Variants in TRIM24 observed in about 807,000 individuals in gnomAD.
TRIM24 encodes transcription intermediary factor 1-alpha.
Under a neutral mutation model 123.9 loss-of-function variants are expected in TRIM24, and 29 were observed. The ratio of observed to expected loss-of-function variants is 0.23; its 90% CI spans 0.17 to 0.32. The LOEUF is 0.32. Ranked by LOEUF, TRIM24 falls within the 10% of genes least tolerant of loss-of-function variation. The probability of loss-of-function intolerance (pLI) is 1.00; values close to 1 mark genes in which losing one functional copy is unlikely to be tolerated. For missense variants in TRIM24, 932 were observed against 1,295.3 expected, an observed-to-expected ratio of 0.72 and a Z score of 4.31; for synonymous variants, 456 against 461.1, an observed-to-expected ratio of 0.99 and a Z score of 0.14.
chr7:138,558,639 C>T (rs750579960), intron 9 of TRIM24, among the ~76,000 whole-genome samples: 5 of 152,192 alleles, frequency 3.3e-5, no homozygotes, highest in East Asian at 1.9e-4. Flanking sequence ...CTCAAAAACT[C>T]GGAACTGTTG....
intron 6 of TRIM24, among the ~76,000 whole-genome samples, chr7:138,533,123 TGGGGTTTTCTAA>T (rs962880868): frequency 6.6e-6 from 1 of 152,176 alleles, no homozygotes; most frequent in African/African-American, 2.4e-5. Context: ...ACTGAGACAA[TGGGGTTTTCTAA>T]ATATACAATC....
intron 2 of TRIM24, among the ~76,000 whole-genome samples, chr7:138,507,721 G>C (rs1796181312): frequency 6.6e-6 from 1 of 152,012 alleles, no homozygotes; most frequent in South Asian, 2.1e-4. Flanking sequence ...GACCAGCCTG[G>C]GCAACATGGT....
intron 9 of TRIM24, among the ~76,000 whole-genome samples, chr7:138,563,283 T>C (rs1349488761): frequency 6.6e-6 from 1 of 152,180 alleles, no homozygotes; most frequent in Non-Finnish European, 1.5e-5. Flanking sequence ...CTGGTGGCAT[T>C]TTTGTTTCAT....
At chr7:138,545,292 T>C (rs1197424311) in intron 7 of TRIM24, among the ~76,000 whole-genome samples, 3 of 151,636 alleles carry the variant, frequency 2.0e-5, no homozygotes, top group African/African-American at 4.9e-5. Flanking sequence ...TTGGAGAGGG[T>C]TGGGGAACCG....
chr7:138,555,724 C>T (rs1797302860), intron 9 of TRIM24, among the ~76,000 whole-genome samples: 1 of 152,042 alleles, frequency 6.6e-6, no homozygotes, highest in African/African-American at 2.4e-5. Context: ...CCTTGTGATC[C>T]ACCCACCTCA....
intron 1 of TRIM24, among the ~76,000 whole-genome samples, chr7:138,479,967 C>T (rs6970145): frequency 0.43 from 64,917 of 151,410 alleles, 14,685 homozygotes; most frequent in Middle Eastern, 0.49. Flanking sequence ...TACAGACATG[C>T]GCCAACACCT....
rs901662647 is a variant in TRIM24 at position 138,541,059 on chromosome 7, G to A, written c.1143+2256G>A. On this transcript the variant is annotated intron_variant, in intron 7 of 18. Coordinates refer to ENST00000343526, the MANE Select transcript of TRIM24 (RefSeq NM_015905.3). ...TCCCTATGTTTTCCAGGCTGGTCTC[G>A]AAACTCCTGACCTCAAGTGATCCAC... is the stretch of plus-strand genomic sequence containing the variant. Among the ~76,000 whole-genome samples the A allele has an allele frequency of 2.6e-5, 4 of 151,954 alleles. No individual in the cohort carries two copies. The East Asian group carries it at 5.8e-4, about 22-fold the overall frequency.
chr7:138,522,364 A>G lies in TRIM24; in HGVS notation c.765-2877A>G, dbSNP rs577658327. On this transcript the variant is annotated intron_variant, in intron 4 of 18. Transcript: ENST00000343526. ...AAAAAAAAAAGATAAATAAGATTGA[A>G]TACCACAATTAACATAACGTCTTAT... Among the ~76,000 whole-genome samples the G allele has an allele frequency of 2.0e-5, 3 of 152,248 alleles. No homozygotes were observed. The East Asian group carries it at 5.8e-4, about 29-fold the overall frequency.
intron 7 of TRIM24, 141 bp from the exon 8 acceptor site, chr7:138,550,922 A>G (rs1355830224): frequency 1.0e-5 from 6 of 594,632 alleles, no homozygotes; most frequent in Non-Finnish European, 1.4e-5. Context: ...TTGGAAAGAA[A>G]ATTGTGTTGT....
At chr7:138,537,267 T>G (rs759405782) in intron 6 of TRIM24, among the ~76,000 whole-genome samples, 1 of 151,274 alleles carries the variant, frequency 6.6e-6, no homozygotes, top group Non-Finnish European at 1.5e-5. Context: ...ACCCGGTACC[T>G]CAGTTGGAAA....
intron 15 of TRIM24, 50 bp from the exon 16 acceptor site, chr7:138,580,510 GAA>G: frequency 6.4e-7 from 1 of 1,573,492 alleles, no homozygotes; most frequent in Non-Finnish European, 8.6e-7. Flanking sequence ...GGGAAATAGT[GAA>G]GAGAGGAAAT....
chr7:138,527,577 G>A (rs1796635719), intron 5 of TRIM24, among the ~76,000 whole-genome samples: 3 of 152,144 alleles, frequency 2.0e-5, no homozygotes, highest in Admixed American at 1.3e-4. Context: ...TAATGTTGAT[G>A]TCAAACAATT....
At position 138,585,989 on chromosome 7, in the gene TRIM24, A is replaced by G. The variant is rs1051878482; in HGVS notation, c.*1038A>G. 4.3e-6 allele frequency: 2 copies of G among 461,168 alleles called. No individual in the cohort carries two copies. Among genetic ancestry groups the G allele is most frequent in the South Asian group, 1.6e-5 (1 of 62,854 alleles). 28.6% of individuals were successfully genotyped at this position (461,168 alleles called of 1,614,324 possible). On this transcript the variant is annotated 3_prime_UTR_variant, in exon 19 of 19. Coordinates refer to ENST00000343526, the MANE Select transcript of TRIM24 (RefSeq NM_015905.3). ...TTTTGGGAGCAGGCAGCTGGGGGGA[A>G]TTAATAGTGATTTTTTTTTTTTCCT...
intron 1 of TRIM24, among the ~76,000 whole-genome samples, chr7:138,463,043 GTTTTTTTTT>G (rs57719141): frequency 0.06 from 3,608 of 60,230 alleles, 100 homozygotes; most frequent in Middle Eastern, 0.18. Context: ...CTAATTTTGT[GTTTTTTTTT>G]TTTTTTTTTT....
At chr7:138,537,615 A>G (rs1330174590) in intron 6 of TRIM24, among the ~76,000 whole-genome samples, 7 of 152,110 alleles carry the variant, frequency 4.6e-5, no homozygotes, top group Non-Finnish European at 8.8e-5. Context: ...GAATGTTTCC[A>G]AAGAAACACT....
chr7:138,567,437 CA>C (rs765385166), intron 9 of TRIM24, 43 bp from the exon 10 acceptor site: 65 of 1,529,032 alleles, frequency 4.3e-5, no homozygotes, highest in Admixed American at 1.0e-4. Context: ...ATTTGTTTTT[CA>C]GAAGAAGATT....
At chr7:138,566,491 A>AAAAC (rs746897853) in intron 9 of TRIM24, among the ~76,000 whole-genome samples, 12 of 152,058 alleles carry the variant, frequency 7.9e-5, no homozygotes, top group South Asian at 2.1e-4. Flanking sequence ...TCCATCTCAA[A>AAAAC]AAACAAACAA....
intron 1 of TRIM24, among the ~76,000 whole-genome samples, chr7:138,467,580 A>G (rs1795172811): frequency 6.6e-6 from 1 of 152,186 alleles, no homozygotes; most frequent in South Asian, 2.1e-4. Flanking sequence ...TGACCTGGTG[A>G]TCTGCCCGCC....
intron 9 of TRIM24, among the ~76,000 whole-genome samples, chr7:138,556,993 G>A (rs1370002783): frequency 6.6e-6 from 1 of 152,228 alleles, no homozygotes; most frequent in Non-Finnish European, 1.5e-5. Context: ...AACAGTGACA[G>A]ATTTTGTAAT....
Sources: gnomAD v4.1 joint callset for allele counts (sites outside exome capture counted in the v4.1 genomes callset) on GRCh38, gnomAD v4.1.1 for gene constraint, MANE v1.5 for transcripts, NCBI Gene and HGNC (gene_info 2026-07-23, HGNC 2026-07-21) for gene names.